The following GART variants were observed in gnomAD, a reference collection of about 807,000 sequenced individuals.
GART encodes phosphoribosylglycinamide formyltransferase, phosphoribosylglycinamide synthetase, phosphoribosylaminoimidazole synthetase, also known as trifunctional purine biosynthetic protein adenosine-3.
GART carries 43 observed loss-of-function variants against 107.2 expected under a neutral mutation model. That is an observed-to-expected ratio of 0.40 (90% CI 0.31 to 0.52). The LOEUF is 0.52. Ranked by LOEUF, GART falls within the 20% of genes least tolerant of loss-of-function variation. The pLI, the probability that GART is intolerant of heterozygous loss-of-function variation, is 0.52. For synonymous variants in GART, 434 were observed against 427.0 expected, an observed-to-expected ratio of 1.02 and a Z score of -0.20; for missense variants, 1,107 against 1,206.5, an observed-to-expected ratio of 0.92 and a Z score of 1.22.
Position 33,517,397 on chromosome 21 carries a change from G to C in GART, c.1914C>G (p.Tyr638Ter). ...CACAACCATCAGGTGCTGGAGAGGA[G>C]TACTGGAGGGAAGATTTTGCCACGA... ...RKIVAKSSLQ[Y>*]SSPAPDGCGD... Residue 638 changes from tyrosine to a stop codon, truncating the protein, a stop_gained, in exon 15 of 22, where the codon TAC becomes TAG. Coordinates refer to ENST00000381815, the MANE Select transcript of GART (RefSeq NM_000819.5). LOFTEE classifies it high-confidence loss of function. The C allele has an allele frequency of 6.2e-7, 1 of 1,614,130 alleles. No individual in the cohort carries two copies. The highest frequency in any genetic ancestry group is 8.5e-7 in the Non-Finnish European group (1 of 1,180,028).
chr21:33,529,914 G>A (rs1328087577), intron 7 of GART: 1 of 153,080 alleles, frequency 6.5e-6, no homozygotes, highest in Non-Finnish European at 1.5e-5. Flanking sequence ...TGTGCAGAAG[G>A]CCAGGCATGG....
In GART at chr21:33,509,853, ATTC is replaced by A; in HGVS notation, c.2379_2381del (p.Lys793del). The A allele has an allele frequency of 6.2e-7, 1 of 1,613,762 alleles. No homozygotes were observed. Among genetic ancestry groups the A allele is most frequent in the Non-Finnish European group, 8.5e-7 (1 of 1,179,732 alleles). On this transcript the variant is annotated inframe_deletion, in exon 18 of 22. Coordinates refer to ENST00000381815, the MANE Select transcript of GART (RefSeq NM_000819.5). The stretch of plus-strand genomic sequence containing the variant: ...AAGAGAAATGATTTGTCAGGGAGCC[ATTC>A]TTCAACACTGACCCATTTATTTGCA...
intron 18 of GART, among the ~76,000 whole-genome samples, chr21:33,507,621 A>G (rs1471698534): frequency 6.6e-6 from 1 of 152,220 alleles, no homozygotes; most frequent in Admixed American, 6.5e-5. Flanking sequence ...CAAGAGTTCA[A>G]GACCAGCCTG....
Position 33,542,087 on chromosome 21 carries a change from T to TCCCGCTTG in GART, c.-72_-65dup, listed in dbSNP as rs1476603799. ...CACCGACACCGGGTGGCCACCTGGT[T>TCCCGCTTG]CCCGCTTGCCCGCTCGCCGGAAGTC... On this transcript the variant is annotated 5_prime_UTR_variant, in exon 1 of 22. Transcript: ENST00000381815. 1 of 152,146 alleles carries TCCCGCTTG rather than the reference T, an allele frequency of 6.6e-6. No individual in the cohort carries two copies. The allele number at this position is 152,146 out of a possible 1,614,324, so 9.4% of individuals were successfully genotyped here. A position where few individuals can be genotyped will look rare whatever the true frequency, so the allele number is the denominator to read the frequency against.
chr21:33,533,246 T>A (rs1018786025), intron 4 of GART, among the ~76,000 whole-genome samples: 4 of 151,136 alleles, frequency 2.6e-5, no homozygotes, highest in South Asian at 2.1e-4. Context: ...GAGACCATCC[T>A]GGCTAACACA....
At chr21:33,505,723 C>T (rs772931774) in intron 19 of GART, 21 bp from the exon 20 acceptor site, 2 of 1,568,092 alleles carry the variant, frequency 1.3e-6, no homozygotes, top group South Asian at 2.4e-5. Context: ...AAAAGATAAG[C>T]ACAACCCTTT....
chr21:33,526,191 CAG>C (rs947920446), intron 10 of GART, among the ~76,000 whole-genome samples: 1 of 151,296 alleles, frequency 6.6e-6, no homozygotes, highest in African/African-American at 2.4e-5. Flanking sequence ...CTTTTTGGGA[CAG>C]AGTCTTGCTC....
intron 1 of GART, among the ~76,000 whole-genome samples, chr21:33,540,973 G>A (rs907383416): frequency 2.6e-5 from 4 of 151,468 alleles, no homozygotes; most frequent in Non-Finnish European, 5.9e-5. Context: ...CCTAACAGAA[G>A]CAATTTTGCT....
In GART at chr21:33,504,427, A is replaced by C. The variant is rs1343822482; in HGVS notation, c.2826T>G (p.Thr942=). 1 of 1,613,882 alleles carries C rather than the reference A, an allele frequency of 6.2e-7. No individual in the cohort carries two copies. The highest frequency in any genetic ancestry group is 1.1e-5 in the South Asian group (1 of 91,088). ...LETGVTVTGC[T]VHFVAEDVDA... ...ACATACTCACAGCTACAAAGTGTAC[A>C]GTGCACCCAGTAACTGTGACTCCGG... Residue 942 remains threonine (T), a synonymous_variant, in exon 21 of 22, where the codon ACT becomes ACG. Coordinates refer to ENST00000381815, the MANE Select transcript of GART (RefSeq NM_000819.5).
At chr21:33,540,794 C>G (rs756028390) in intron 1 of GART, among the ~76,000 whole-genome samples, 1 of 152,172 alleles carries the variant, frequency 6.6e-6, no homozygotes, top group African/African-American at 2.4e-5. Context: ...ATATACAAAA[C>G]TAACATTTTT....
At chr21:33,506,311 T>C (rs2084681222) in intron 18 of GART, among the ~76,000 whole-genome samples, 1 of 152,098 alleles carries the variant, frequency 6.6e-6, no homozygotes, top group African/African-American at 2.4e-5. Flanking sequence ...ACCTGGCTAA[T>C]TTTTGTATTT....
chr21:33,530,420 C>A (rs2085163395), intron 7 of GART, among the ~76,000 whole-genome samples: 1 of 152,152 alleles, frequency 6.6e-6, no homozygotes, highest in Non-Finnish European at 1.5e-5. Flanking sequence ...CAGATACACA[C>A]AGACAACACT....
intron 16 of GART, among the ~76,000 whole-genome samples, chr21:33,513,568 TA>T (rs996089144): frequency 5.9e-5 from 9 of 152,144 alleles, no homozygotes; most frequent in African/African-American, 1.9e-4. Context: ...AGACTCTGTC[TA>T]AAAAAATAAA....
Position 33,528,857 on chromosome 21 carries a change from T to C in GART, c.804A>G (p.Pro268=), listed in dbSNP as rs765174958. The C allele has an allele frequency of 3.1e-6, 5 of 1,610,560 alleles. No individual in the cohort carries two copies. The highest frequency in any genetic ancestry group is 1.7e-5 in the Admixed American group (1 of 59,992). The change falls in exon 8 of 22, where the codon CCA becomes CCG. Residue 268 remains proline (P), a synonymous_variant. Coordinates refer to ENST00000381815, the MANE Select transcript of GART (RefSeq NM_000819.5). ...TVDGMQQEGT[P]YTGILYAGIM... The stretch of plus-strand genomic sequence containing the variant: ...TAATGTGGGTGGGCCTACCTGTATA[T>C]GGAGTACCCTCTTGCTGCATGCCAT...
chr21:33,528,099 G>A (rs1193658570), intron 10 of GART, 68 bp downstream of exon 10: 3 of 1,447,738 alleles, frequency 2.1e-6, no homozygotes, highest in East Asian at 4.6e-5. Flanking sequence ...CTTAGTGTGA[G>A]AGGGGGGTCT....
At position 33,512,204 on chromosome 21, in the gene GART, A is replaced by T. The variant is rs1050708075; in HGVS notation, c.2108-746T>A. On this transcript the variant is annotated intron_variant, in intron 16 of 21. Coordinates refer to ENST00000381815, the MANE Select transcript of GART (RefSeq NM_000819.5). ...GAGGCTGAGGCAGGAGAATCACTTA[A>T]ACCTGGGAGGTGGAGGTTGCAGTGG... Among the ~76,000 whole-genome samples, 3 of 150,894 alleles carry T rather than the reference A, an allele frequency of 2.0e-5. No homozygotes were observed. The Admixed American group carries it at 2.0e-4, about 10-fold the overall frequency.
intron 11 of GART, chr21:33,524,504 T>C (rs2085031787): frequency 1.7e-5 from 16 of 957,354 alleles, no homozygotes; most frequent in Non-Finnish European, 2.1e-5. Flanking sequence ...AAATTAAAAA[T>C]ATAAAATAAA....
At chr21:33,512,631 C>T (rs527928725) in intron 16 of GART, among the ~76,000 whole-genome samples, 36 of 152,038 alleles carry the variant, frequency 2.4e-4, no homozygotes, top group African/African-American at 8.2e-4. Flanking sequence ...CTCTGTTGCC[C>T]AGGCTGGAGT....
chr21:33,510,020 A>C, intron 17 of GART, 100 bp from the exon 18 acceptor site: 2 of 1,080,546 alleles, frequency 1.9e-6, no homozygotes, highest in Non-Finnish European at 2.6e-6. Context: ...GGTATGTTTT[A>C]TCCTGAAAAT....
Sources: allele counts gnomAD v4.1 joint callset (sites outside exome capture counted in the v4.1 genomes callset), GRCh38; gene constraint gnomAD v4.1.1; transcripts MANE v1.5; gene names NCBI Gene and HGNC (gene_info 2026-07-23, HGNC 2026-07-21).